ANKS6: variants seen among roughly 807,000 people sequenced by gnomAD.
ANKS6 encodes the protein ankyrin repeat and sterile alpha motif domain containing 6, also known as ankyrin repeat and SAM domain-containing protein 6.
Under a neutral mutation model 77.9 loss-of-function variants are expected in ANKS6, and 47 were observed. That is an observed-to-expected ratio of 0.60 (90% CI 0.48 to 0.77). ANKS6 has a LOEUF of 0.77. Ranked by LOEUF, ANKS6 falls within the 30% of genes least tolerant of loss-of-function variation. ANKS6 has a pLI of 0.00. For missense variants in ANKS6, 1,150 were observed against 1,159.1 expected (o/e 0.99, Z 0.11); for synonymous variants, 488 against 501.7 (o/e 0.97, Z 0.37).
Position 98,733,882 on chromosome 9 carries a change from C to T in ANKS6, c.*2637G>A, listed in dbSNP as rs904176560. On this transcript the variant is annotated 3_prime_UTR_variant, in exon 15 of 15. Coordinates refer to ENST00000353234, the MANE Select transcript of ANKS6 (RefSeq NM_173551.5). ...CCTGTGGAACTAGGGTTCCCAGGAG[C>T]ATACTTTTGGGAAATGCTGGTGAAG... 3.9e-4 allele frequency: 386 copies of T among 985,372 alleles called. No individual in the cohort carries two copies. Among genetic ancestry groups the T allele is most frequent in the Middle Eastern group, 3.7e-3 (7 of 1,914 alleles). 61.0% of individuals were successfully genotyped at this position (985,372 alleles called of 1,614,324 possible).
At chr9:98,737,481 T>C (rs1051124210) in intron 14 of ANKS6, among the ~76,000 whole-genome samples, 10 of 148,708 alleles carry the variant, frequency 6.7e-5, no homozygotes, top group Admixed American at 3.3e-4. Flanking sequence ...CTATAATAGC[T>C]GCAAAAAAAT....
intron 1 of ANKS6, among the ~76,000 whole-genome samples, chr9:98,793,204 G>C (rs1211750581): frequency 6.6e-6 from 1 of 152,186 alleles, no homozygotes; most frequent in Non-Finnish European, 1.5e-5. Context: ...CCCTTGGAGA[G>C]AAGTCTCTGG....
chr9:98,748,253 C>T (rs975086791), intron 13 of ANKS6, among the ~76,000 whole-genome samples: 7 of 152,188 alleles, frequency 4.6e-5, no homozygotes, highest in East Asian at 3.9e-4. Flanking sequence ...TTCTGACCTC[C>T]GTCAACCCTG....
intron 6 of ANKS6, among the ~76,000 whole-genome samples, chr9:98,779,768 A>G (rs1006821666): frequency 1.3e-5 from 2 of 151,736 alleles, no homozygotes; most frequent in Non-Finnish European, 2.9e-5. Context: ...GGTTCACGCC[A>G]TTCTCCTGCC....
In ANKS6 at chr9:98,788,582, A is replaced by G. The variant is rs562052406; in HGVS notation, c.862+1522T>C. On this transcript the variant is annotated intron_variant, in intron 2 of 14. Transcript: ENST00000353234. ...CCCTAATTTCTAATAGCAAGCCTTT[A>G]TGAGTCCCTAACACTCTACTGGGCT... Among the ~76,000 whole-genome samples, 8 of 152,360 alleles carry G rather than the reference A, an allele frequency of 5.3e-5. No homozygotes were observed. In the South Asian group the frequency reaches 1.7e-3, roughly 32 times the overall value.
chr9:98,777,420 C>CGTGTCTT lies in ANKS6; in HGVS notation c.1595_1601dup (p.Leu535ArgfsTer20). On this transcript the variant is annotated frameshift_variant, in exon 8 of 15. Transcript: ENST00000353234. LOFTEE classifies it high-confidence loss of function. ...CCACACTCACCATGGTTGTCAATAACGTGTCTTCCTTTTCTCCTCTTGTGC... is the reference window on the plus strand; with the variant it reads ...CCACACTCACCATGGTTGTCAATAACGTGTCTTGTGTCTTCCTTTTCTCCTCTTGTGC... 1 of 1,614,168 alleles carries CGTGTCTT rather than the reference C, an allele frequency of 6.2e-7. No homozygotes were observed. The highest frequency in any genetic ancestry group is 8.5e-7 in the Non-Finnish European group (1 of 1,180,030).
rs1588410297 is a variant in ANKS6, at chr9:98,784,803, T to C, written c.907+29A>G. On this transcript the variant is annotated intron_variant, in intron 3 of 14. Transcript: ENST00000353234. Reference sequence around the variant, plus strand: ...GAGAATGTAGCCCTATATTCTTAAATATCCAAAAAGATTTTCTAAAGCGCT... The same window carrying C: ...GAGAATGTAGCCCTATATTCTTAAACATCCAAAAAGATTTTCTAAAGCGCT... 6 of 1,601,606 alleles carry C rather than the reference T, an allele frequency of 3.7e-6. No homozygotes were observed. The African/African-American group carries it at 8.0e-5, about 21-fold the overall frequency.
intron 14 of ANKS6, among the ~76,000 whole-genome samples, chr9:98,740,752 C>A (rs1283922091): frequency 2.0e-5 from 3 of 152,174 alleles, no homozygotes; most frequent in Non-Finnish European, 4.4e-5. Context: ...CCTTTAAAAA[C>A]CCCTGAGTTT....
Position 98,784,135 on chromosome 9 carries a change from C to G in ANKS6, c.930G>C (p.Glu310Asp), listed in dbSNP as rs1834432152. 1.3e-6 allele frequency: 2 copies of G among 1,545,246 alleles called. No individual in the cohort carries two copies. Among genetic ancestry groups the G allele is most frequent in the Non-Finnish European group, 1.8e-6 (2 of 1,138,936 alleles). ...LKMGNFQLVK[E>D]IADEDPSHVN... is the part of the protein sequence containing the mutation. ...CGTGGCTGGGGTCTTCATCGGCAAT[C>G]TCTTTGACCAGCTGGAAGTTTCCTG... The change falls in exon 4 of 15, where the codon GAG becomes GAC. Residue 310 changes from glutamate to aspartate, a missense_variant. Glu to Asp is a conservative substitution (Grantham distance 45). Coordinates refer to ENST00000353234, the MANE Select transcript of ANKS6 (RefSeq NM_173551.5).
chr9:98,772,014 AG>A (rs1833665656), intron 9 of ANKS6, among the ~76,000 whole-genome samples: 1 of 152,200 alleles, frequency 6.6e-6, no homozygotes, highest in South Asian at 2.1e-4. Flanking sequence ...CTCGGCACAA[AG>A]AAGGCACTCA....
At chr9:98,759,968 A>G (rs1832922983) in intron 11 of ANKS6, among the ~76,000 whole-genome samples, 4 of 152,196 alleles carry the variant, frequency 2.6e-5, no homozygotes, top group Non-Finnish European at 5.9e-5. Context: ...AAAAAGCTAG[A>G]AGGAGGATAT....
chr9:98,789,673 C>T (rs1320708855), intron 2 of ANKS6, among the ~76,000 whole-genome samples: 1 of 152,154 alleles, frequency 6.6e-6, no homozygotes, highest in African/African-American at 2.4e-5. Context: ...CATAGCCACA[C>T]CCATTCATTT....
At chr9:98,782,912 T>C (rs1449810236) in intron 4 of ANKS6, among the ~76,000 whole-genome samples, 2 of 152,036 alleles carry the variant, frequency 1.3e-5, no homozygotes, top group Non-Finnish European at 2.9e-5. Context: ...GGGGGCCCTG[T>C]CTCTACTAAA....
At position 98,736,249 on chromosome 9, in the gene ANKS6, G is replaced by A; in HGVS notation, c.*270C>T. Reference sequence around the variant, plus strand: ...GGGAGGGCAGAGCACAGGATGAAAGGAGCTGAGTCCCTGCATCACTGTGTG... The same window carrying A: ...GGGAGGGCAGAGCACAGGATGAAAGAAGCTGAGTCCCTGCATCACTGTGTG... On this transcript the variant is annotated 3_prime_UTR_variant, in exon 15 of 15. Transcript: ENST00000353234. The A allele has an allele frequency of 7.8e-6, 10 of 1,283,858 alleles. No individual in the cohort carries two copies. Among genetic ancestry groups the A allele is most frequent in the Non-Finnish European group, 9.8e-6 (10 of 1,016,710 alleles). The allele number at this position is 1,283,858 out of a possible 1,614,324, so 79.5% of individuals were successfully genotyped here. A position where few individuals can be genotyped will look rare whatever the true frequency, so the allele number is the denominator to read the frequency against.
In ANKS6 at chr9:98,734,984, T is replaced by C; in HGVS notation, c.*1535A>G. 1.0e-6 allele frequency: 1 copy of C among 985,312 alleles called. No individual in the cohort carries two copies. Among genetic ancestry groups the C allele is most frequent in the Non-Finnish European group, 1.2e-6 (1 of 829,914 alleles). The allele number at this position is 985,312 out of a possible 1,614,324, so 61.0% of individuals were successfully genotyped here. A position where few individuals can be genotyped will look rare whatever the true frequency, so the allele number is the denominator to read the frequency against. On this transcript the variant is annotated 3_prime_UTR_variant, in exon 15 of 15. Coordinates refer to ENST00000353234, the MANE Select transcript of ANKS6 (RefSeq NM_173551.5). ...AACTACGAGGCTCTGGGCAGTAAGT[T>C]AACGACAGCCTCTGAAAGCCAGCAT...
chr9:98,790,223 C>T lies in ANKS6; in HGVS notation c.743G>A (p.Gly248Asp), dbSNP rs375860547. ...CACGCTGAGGTGGTCAGGGTTGGCGCCCTTCTCCACCAGCTGCTGGGCCAC... is the reference window on the plus strand; with the variant it reads ...CACGCTGAGGTGGTCAGGGTTGGCGTCCTTCTCCACCAGCTGCTGGGCCAC... ...LGVAQQLVEK[G>D]ANPDHLSVLE... Residue 248 changes from glycine (G) to aspartate (D), a missense_variant, in exon 2 of 15, where the codon GGC (glycine) becomes GAC (aspartate). By Grantham distance (94) the Gly-to-Asp change is moderately conservative. Transcript: ENST00000353234. The T allele has an allele frequency of 5.0e-6, 8 of 1,607,264 alleles. No individual in the cohort carries two copies. The highest frequency in any genetic ancestry group is 2.7e-5 in the African/African-American group (2 of 74,834).
At chr9:98,751,658 A>G (rs1832435907) in intron 12 of ANKS6, among the ~76,000 whole-genome samples, 1 of 152,230 alleles carries the variant, frequency 6.6e-6, no homozygotes, top group South Asian at 2.1e-4. Flanking sequence ...GGGTGTCAGA[A>G]CAGGGAGAAT....
intron 9 of ANKS6, among the ~76,000 whole-genome samples, chr9:98,773,336 T>C (rs536205652): frequency 6.6e-6 from 1 of 152,320 alleles, no homozygotes; most frequent in South Asian, 2.1e-4. Flanking sequence ...TTGCTGCATC[T>C]ACCATCTAGA....
chr9:98,754,150 T>C (rs957136103), intron 12 of ANKS6, among the ~76,000 whole-genome samples: 5 of 152,112 alleles, frequency 3.3e-5, no homozygotes, highest in Admixed American at 1.3e-4. Flanking sequence ...CCTGGGTGCA[T>C]AGGTTAGGGC....
Sources: allele counts gnomAD v4.1 joint callset (sites outside exome capture counted in the v4.1 genomes callset), GRCh38; gene constraint gnomAD v4.1.1; transcripts MANE v1.5; gene names NCBI Gene and HGNC (gene_info 2026-07-23, HGNC 2026-07-21).